ARAP1: variants seen among roughly 807,000 people sequenced by gnomAD.
ARAP1 encodes arf-GAP with Rho-GAP domain, ANK repeat and PH domain-containing protein 1.
ARAP1 carries 76 observed loss-of-function variants against 172.2 expected under a neutral mutation model. That is an observed-to-expected ratio of 0.44 (90% confidence interval 0.37 to 0.53). ARAP1 has a LOEUF of 0.53. Ranked by LOEUF, ARAP1 falls within the 20% of genes least tolerant of loss-of-function variation. ARAP1 has a pLI of 0.00. For synonymous variants in ARAP1, 804 were observed against 803.3 expected, an observed-to-expected ratio of 1.00 and a Z score of -0.01; for missense variants, 1,686 against 1,977.5, an observed-to-expected ratio of 0.85 and a Z score of 2.80.
Position 72,697,923 on chromosome 11 carries a change from G to A in ARAP1, c.2725C>T (p.Leu909=). 6.2e-7 allele frequency: 1 copy of A among 1,603,706 alleles called. No individual in the cohort carries two copies. ...CTGGTCCACGCACAAAGCTCCTGCAGTTTCCGTAGTTGCAGCGGCTCTTCG... is the reference window on the plus strand; with the variant it reads ...CTGGTCCACGCACAAAGCTCCTGCAATTTCCGTAGTTGCAGCGGCTCTTCG... ...PCEEPLQLRK[L]QELSIQGDSE... The change falls in exon 19 of 35, where the codon CTG becomes TTG. Residue 909 remains leucine (L), a synonymous_variant. Coordinates refer to ENST00000393609, the MANE Select transcript of ARAP1 (RefSeq NM_001040118.3).
intron 3 of ARAP1, among the ~76,000 whole-genome samples, chr11:72,714,834 T>A (rs1337760710): frequency 6.6e-6 from 1 of 152,114 alleles, no homozygotes; most frequent in East Asian, 1.9e-4. Context: ...CAGATTTGGA[T>A]ATTCACTACC....
chr11:72,714,088 A>C (rs1311954653), intron 4 of ARAP1, 64 bp downstream of exon 4: 5 of 1,377,930 alleles, frequency 3.6e-6, no homozygotes, highest in Admixed American at 3.5e-5. Flanking sequence ...TACCTTCCAG[A>C]GGCCTGATTC....
rs144169469 is a variant in ARAP1 at position 72,712,328 on chromosome 11, T to G, written c.890A>C (p.His297Pro). The stretch of plus-strand genomic sequence containing the variant: ...CAAGGACAAGCTCAGGCTGCTGGTA[T>G]GCCATCCGCCACTAGCGAGAGATGA... The part of the protein sequence containing the change: ...AYEGVPNGGW[H>P]TSSLSLSLPS... The change falls in exon 7 of 35, where the codon CAT becomes CCT. Residue 297 changes from histidine (H) to proline (P), a missense_variant. By Grantham distance (77) the His-to-Pro change is moderately conservative. Around this residue, in one of 5 missense-constraint regions of ARAP1, gnomAD observed 688 missense variants for 856.9 expected, o/e 0.80. Transcript: ENST00000393609. 5.3e-5 allele frequency: 83 copies of G among 1,552,108 alleles called. No homozygotes were observed. The highest frequency in any genetic ancestry group is 7.2e-5 in the Non-Finnish European group (82 of 1,144,396).
chr11:72,693,260 A>T lies in ARAP1; in HGVS notation c.3954+65T>A. The T allele has an allele frequency of 6.4e-7, 1 of 1,571,850 alleles. No individual in the cohort carries two copies. On this transcript the variant is annotated intron_variant, in intron 29 of 34. Transcript: ENST00000393609. The surrounding 1 kb of genome is among the most constrained non-coding windows in gnomAD (Gnocchi z 4.6). Reference sequence around the variant, plus strand: ...ATATTTCCACTTGCAGACCAAGGGGAATCTCTGAGCACATTCAGGTGTACA... The same window carrying T: ...ATATTTCCACTTGCAGACCAAGGGGTATCTCTGAGCACATTCAGGTGTACA...
At chr11:72,750,277 T>G (rs1201484859) in intron 1 of ARAP1, among the ~76,000 whole-genome samples, 3 of 152,104 alleles carry the variant, frequency 2.0e-5, no homozygotes, top group Non-Finnish European at 2.9e-5. Flanking sequence ...GGGTCAGCGC[T>G]GGACAGGCGG....
intron 7 of ARAP1, 33 bp from the exon 8 acceptor site, chr11:72,711,532 CG>C: frequency 6.3e-7 from 1 of 1,585,292 alleles, no homozygotes. Flanking sequence ...AGCAAATGAC[CG>C]GGGGTAGGAG....
chr11:72,693,521 G>A lies in ARAP1; in HGVS notation c.3809-51C>T, dbSNP rs1350780141. The A allele has an allele frequency of 6.3e-7, 1 of 1,583,980 alleles. No homozygotes were observed. ...CAGGCTGCACCAACCCCTACCCGGG[G>A]CTGGGTCCCAGGATGAAGGAAGCTG... On this transcript the variant is annotated intron_variant, in intron 28 of 34. Coordinates refer to ENST00000393609, the MANE Select transcript of ARAP1 (RefSeq NM_001040118.3). The surrounding 1 kb of genome is among the most constrained non-coding windows in gnomAD (Gnocchi z 4.6).
intron 3 of ARAP1, among the ~76,000 whole-genome samples, chr11:72,718,056 A>G (rs1482989061): frequency 6.6e-6 from 1 of 152,196 alleles, no homozygotes; most frequent in Non-Finnish European, 1.5e-5. Flanking sequence ...TCCACAGGGA[A>G]GGGACCGTGT....
Position 72,696,702 on chromosome 11 carries a change from C to T in ARAP1, c.3167-48G>A, listed in dbSNP as rs747271290. On this transcript the variant is annotated intron_variant, in intron 22 of 34. Transcript: ENST00000393609. ...GTCAGAAACCCCCTGTAACTATCTT[C>T]CCCCCACCCCGCCTGGGCTGCTGTG... 8 of 1,471,154 alleles carry T rather than the reference C, an allele frequency of 5.4e-6. No individual in the cohort carries two copies. In the South Asian group the frequency reaches 7.7e-5, roughly 14 times the overall value. The allele number at this position is 1,471,154 out of a possible 1,614,324, so 91.1% of individuals were successfully genotyped here. A position where few individuals can be genotyped will look rare whatever the true frequency, so the allele number is the denominator to read the frequency against.
At position 72,741,127 on chromosome 11, in the gene ARAP1, A is replaced by C; in HGVS notation, c.-127-8530T>G. On this transcript the variant is annotated intron_variant, in intron 1 of 34. Coordinates refer to ENST00000393609, the MANE Select transcript of ARAP1 (RefSeq NM_001040118.3). This position sits in a 1 kb window ranked among gnomAD's most constrained non-coding sequence, Gnocchi z 4.5. Reference sequence around the variant, plus strand: ...CTGGGGACCCCTGCCGCTTCCCCCAACTCCTTCCTGTTTACCATGTTTTGG... The same window carrying C: ...CTGGGGACCCCTGCCGCTTCCCCCACCTCCTTCCTGTTTACCATGTTTTGG... Among the ~76,000 whole-genome samples the C allele has an allele frequency of 6.6e-6, 1 of 150,932 alleles. No homozygotes were observed. Among genetic ancestry groups the C allele is most frequent in the African/African-American group, 2.4e-5 (1 of 40,974 alleles).
rs780289845 is a variant in ARAP1 at position 72,698,086 on chromosome 11, G to A, written c.2562C>T (p.Ala854=). The change falls in exon 19 of 35, where the codon GCC becomes GCT. Residue 854 remains alanine, a synonymous_variant. Transcript: ENST00000393609. ...CIAKAFVPPL[A]EDLLARDFER... is the part of the protein sequence containing the mutation. ...CAAAATCCCGGGCCAGCAGATCCTC[G>A]GCTAGGGGAGGCACGAATGCCTGGC... 1.1e-5 allele frequency: 18 copies of A among 1,600,386 alleles called. No homozygotes were observed. Among genetic ancestry groups the A allele is most frequent in the South Asian group, 3.4e-5 (3 of 88,798 alleles).
intron 33 of ARAP1, 71 bp from the exon 34 acceptor site, chr11:72,686,262 C>T (rs1855679941): frequency 1.3e-6 from 2 of 1,537,530 alleles, no homozygotes; most frequent in Non-Finnish European, 8.8e-7. Flanking sequence ...GATCTGCCCA[C>T]CCTTCCCAGA....
chr11:72,724,193 C>T (rs1178924460), intron 3 of ARAP1, among the ~76,000 whole-genome samples: 1 of 152,168 alleles, frequency 6.6e-6, no homozygotes, highest in Non-Finnish European at 1.5e-5. Context: ...ACCACCCACA[C>T]CCATCTGTAT....
Position 72,693,600 on chromosome 11 carries a change from CTG to C in ARAP1, c.3808+90_3808+91del. On this transcript the variant is annotated intron_variant, in intron 28 of 34. Coordinates refer to ENST00000393609, the MANE Select transcript of ARAP1 (RefSeq NM_001040118.3). The surrounding 1 kb of genome is among the most constrained non-coding windows in gnomAD (Gnocchi z 4.6). The stretch of plus-strand genomic sequence containing the variant: ...GGCCCACCCACTTGGCGCCCTCTGT[CTG>C]AGCTGTTCCTACCTGGCACCACCAG... The C allele has an allele frequency of 6.5e-7, 1 of 1,531,400 alleles. No homozygotes were observed. 94.9% of individuals were successfully genotyped at this position (1,531,400 alleles called of 1,614,324 possible). A position where few individuals can be genotyped will look rare whatever the true frequency, so the allele number is the denominator to read the frequency against.
intron 1 of ARAP1, among the ~76,000 whole-genome samples, chr11:72,735,800 G>A (rs1858004680): frequency 6.6e-6 from 1 of 152,156 alleles, no homozygotes; most frequent in South Asian, 2.1e-4. Context: ...AGGGCATCTG[G>A]CTAACATCAA....
chr11:72,699,140 C>A lies in ARAP1; in HGVS notation c.2439-33G>T. 6.2e-7 allele frequency: 1 copy of A among 1,608,406 alleles called. No homozygotes were observed. Among genetic ancestry groups the A allele is most frequent in the Non-Finnish European group, 8.5e-7 (1 of 1,175,414 alleles). The stretch of plus-strand genomic sequence containing the variant: ...TACACAGGCCAGGACTCAGGCCCAC[C>A]TCATCCAGCACGGGCCCACCCCCAA... On this transcript the variant is annotated intron_variant, in intron 17 of 34. Coordinates refer to ENST00000393609, the MANE Select transcript of ARAP1 (RefSeq NM_001040118.3). This position sits in a 1 kb window ranked among gnomAD's most constrained non-coding sequence, Gnocchi z 4.2.
Position 72,685,551 on chromosome 11 carries a change from T to G in ARAP1, c.*113A>C. ...AGGATGGAGGATGTGGGTTGTGGGG[T>G]GCAGTTTCCCATGCACCCCCCGCTG... On this transcript the variant is annotated 3_prime_UTR_variant, in exon 35 of 35. Transcript: ENST00000393609. The G allele has an allele frequency of 6.3e-6, 9 of 1,419,162 alleles. No homozygotes were observed. The highest frequency in any genetic ancestry group is 5.0e-6 in the Non-Finnish European group (5 of 1,008,438). The allele number at this position is 1,419,162 out of a possible 1,614,324, so 87.9% of individuals were successfully genotyped here. A position where few individuals can be genotyped will look rare whatever the true frequency, so the allele number is the denominator to read the frequency against.
chr11:72,697,007 G>A lies in ARAP1; in HGVS notation c.3142C>T (p.Arg1048Cys), dbSNP rs753832901. 6.2e-6 allele frequency: 10 copies of A among 1,607,578 alleles called. No individual in the cohort carries two copies. Among genetic ancestry groups the A allele is most frequent in the Middle Eastern group, 1.7e-4 (1 of 6,034 alleles). The change falls in exon 22 of 35, where the codon CGC (arginine) becomes TGC (cysteine). Residue 1048 changes from arginine to cysteine, a missense_variant. Arg to Cys is a radical substitution (Grantham distance 180). Transcript: ENST00000393609. ...LPDGLFTRAQRLTWLEASEIE... is the reference protein window; with the variant it reads ...LPDGLFTRAQCLTWLEASEIE... Reference sequence around the variant, plus strand: ...CCTGAGGCCTCCAGCCAGGTTAGGCGCTGGGCGCGAGTGAAGAGCCCATCA... The same window carrying A: ...CCTGAGGCCTCCAGCCAGGTTAGGCACTGGGCGCGAGTGAAGAGCCCATCA...
intron 2 of ARAP1, among the ~76,000 whole-genome samples, chr11:72,731,081 T>C (rs138233429): frequency 1.8e-4 from 27 of 152,236 alleles, no homozygotes; most frequent in South Asian, 4.1e-4. Context: ...ACAAAGTATC[T>C]CTGAAAAGAC....
Sources: gnomAD v4.1 joint callset for allele counts (sites outside exome capture counted in the v4.1 genomes callset) on GRCh38, gnomAD v4.1.1 for gene constraint, gnomAD v4.1.1 regional missense constraint, Gnocchi (gnomAD v3.1) non-coding constraint, MANE v1.5 for transcripts, NCBI Gene and HGNC (gene_info 2026-07-23, HGNC 2026-07-21) for gene names.